HEYL: variants seen among roughly 807,000 people sequenced by gnomAD.
HEYL encodes the protein hes related family bHLH transcription factor with YRPW motif like.
In HEYL, 12 loss-of-function variants were observed where a neutral mutation model predicts 18.6. The ratio of observed to expected loss-of-function variants is 0.65; its 90% CI spans 0.41 to 1.05. HEYL has a LOEUF of 1.05. Ranked by LOEUF, HEYL falls within the 50% of genes least tolerant of loss-of-function variation. HEYL has a pLI of 0.00. For missense variants in HEYL, 420 were observed against 444.7 expected (o/e 0.94, Z 0.50); for synonymous variants, 159 against 179.6 (o/e 0.89, Z 0.91).
chr1:39,627,670 A>G (rs1031255745), intron 4 of HEYL, among the ~76,000 whole-genome samples: 1 of 152,228 alleles, frequency 6.6e-6, no homozygotes, highest in African/African-American at 2.4e-5. Context: ...GTCGGAAGCC[A>G]GGAGAGCTGG....
At chr1:39,633,060 G>C (rs1332245839) in intron 1 of HEYL, 79 of 979,412 alleles carry the variant, frequency 8.1e-5, no homozygotes, top group Non-Finnish European at 9.0e-5. Flanking sequence ...CGGCGGCGGC[G>C]GGGCTGGGCC....
Position 39,627,071 on chromosome 1 carries a change from A to G in HEYL, c.423T>C (p.Arg141=). The part of the protein sequence containing the change: ...YLGVLEGPSS[R]ADPVRIRLLS... ...GAAGGCGAATCCGGACGGGGTCTGCACGGCTGCTGGGCCCTTCAAGGACCC... is the reference window on the plus strand; with the variant it reads ...GAAGGCGAATCCGGACGGGGTCTGCGCGGCTGCTGGGCCCTTCAAGGACCC... The change falls in exon 5 of 5, where the codon CGT becomes CGC. Residue 141 remains arginine, a synonymous_variant. Coordinates refer to ENST00000372852, the MANE Select transcript of HEYL (RefSeq NM_014571.4). 6.2e-7 allele frequency: 1 copy of G among 1,614,170 alleles called. No individual in the cohort carries two copies. The highest frequency in any genetic ancestry group is 1.1e-5 in the South Asian group (1 of 91,086).
At position 39,623,689 on chromosome 1, in the gene HEYL, C is replaced by A. The variant is rs755140248; in HGVS notation, c.*2818G>T. The stretch of plus-strand genomic sequence containing the variant: ...AAGTAGTCGAGGAAGGCCTCTTGGA[C>A]GAGGCAACGTTGAAGCCAAGGCCTG... On this transcript the variant is annotated 3_prime_UTR_variant, in exon 5 of 5. Coordinates refer to ENST00000372852, the MANE Select transcript of HEYL (RefSeq NM_014571.4). 1.3e-5 allele frequency among the ~76,000 whole-genome samples: 2 copies of A among 152,198 alleles called. No homozygotes were observed. Among genetic ancestry groups the A allele is most frequent in the African/African-American group, 4.8e-5 (2 of 41,450 alleles).
rs1398226470 is a variant in HEYL, at chr1:39,626,422, C to G, written c.*85G>C. ...TTCACATATGAGCCAGTCCATGAAGCAAAGCAGAAAAGGCAGTGCCCTTTT... is the reference window on the plus strand; with the variant it reads ...TTCACATATGAGCCAGTCCATGAAGGAAAGCAGAAAAGGCAGTGCCCTTTT... On this transcript the variant is annotated 3_prime_UTR_variant, in exon 5 of 5. Coordinates refer to ENST00000372852, the MANE Select transcript of HEYL (RefSeq NM_014571.4). 7.8e-7 allele frequency: 1 copy of G among 1,284,474 alleles called. No homozygotes were observed. The highest frequency in any genetic ancestry group is 1.5e-5 in the African/African-American group (1 of 65,920). 79.6% of individuals were successfully genotyped at this position (1,284,474 alleles called of 1,614,324 possible).
rs753019861 is a variant in HEYL at position 39,639,639 on chromosome 1, T to C, written c.-14A>G. The C allele has an allele frequency of 2.0e-6, 3 of 1,538,048 alleles. No individual in the cohort carries two copies. Among genetic ancestry groups the C allele is most frequent in the Non-Finnish European group, 2.6e-6 (3 of 1,148,534 alleles). Reference sequence around the variant, plus strand: ...GGGTCGCTTCATGGCGAACGCAGGCTGCCTGGTCTCAGCCCCGCGGCTAAG... The same window carrying C: ...GGGTCGCTTCATGGCGAACGCAGGCCGCCTGGTCTCAGCCCCGCGGCTAAG... On this transcript the variant is annotated 5_prime_UTR_variant, in exon 1 of 5. Transcript: ENST00000372852.
At chr1:39,632,882 C>CTGGGCCCACTT (rs1553483544) in intron 1 of HEYL, 167 bp from the exon 2 acceptor site, 23 of 985,318 alleles carry the variant, frequency 2.3e-5, no homozygotes, top group Non-Finnish European at 2.8e-5. Flanking sequence ...CTCATGCACT[C>CTGGGCCCACTT]TGGGCCCACT....
At chr1:39,633,003 G>A (rs1192882679) in intron 1 of HEYL, 2 of 974,502 alleles carry the variant, frequency 2.1e-6, no homozygotes, top group Non-Finnish European at 2.4e-6. Context: ...GGTGGCTCCG[G>A]CTCCTGCAAC....
At chr1:39,638,189 A>G (rs944406141) in intron 1 of HEYL, among the ~76,000 whole-genome samples, 1 of 152,264 alleles carries the variant, frequency 6.6e-6, no homozygotes, top group African/African-American at 2.4e-5. Context: ...AGGCTGCAAG[A>G]GGAATATCTA....
intron 4 of HEYL, among the ~76,000 whole-genome samples, chr1:39,627,918 G>C (rs1168925613): frequency 1.3e-5 from 2 of 152,188 alleles, no homozygotes; most frequent in Non-Finnish European, 1.5e-5. Flanking sequence ...GGCTCAAAAG[G>C]CAATCTGGAA....
In HEYL at chr1:39,626,742, AG is replaced by A; in HGVS notation, c.751del (p.Leu251Ter). 1 of 1,520,962 alleles carries A rather than the reference AG, an allele frequency of 6.6e-7. No individual in the cohort carries two copies. 94.2% of individuals were successfully genotyped at this position (1,520,962 alleles called of 1,614,324 possible). A position where few individuals can be genotyped will look rare whatever the true frequency, so the allele number is the denominator to read the frequency against. On this transcript the variant is annotated frameshift_variant, in exon 5 of 5. Coordinates refer to ENST00000372852, the MANE Select transcript of HEYL (RefSeq NM_014571.4). LOFTEE classifies it low-confidence loss of function (END_TRUNC). ...AGGCACAGGGGTCGCTGGCCTCTCT[AG>A]GGGGCGGGCCCTCCGGGTGGAAGAT... is the stretch of plus-strand genomic sequence containing the variant. The part of the protein sequence containing the change: ...GASSTRRARP[L>X]ERPATPVPVA...
chr1:39,624,006 G>C lies in HEYL; in HGVS notation c.*2501C>G, dbSNP rs1458650730. On this transcript the variant is annotated 3_prime_UTR_variant, in exon 5 of 5. Transcript: ENST00000372852. ...TTCAATTTCTCTCTGCTGCTACTGA[G>C]AACTGATTGACAAAGCAAGAGGGAA... 1 of 152,306 alleles carries C rather than the reference G, an allele frequency of 6.6e-6. No individual in the cohort carries two copies. Among genetic ancestry groups the C allele is most frequent in the Admixed American group, 6.5e-5 (1 of 15,290 alleles). The allele number at this position is 152,306 out of a possible 1,614,324, so 9.4% of individuals were successfully genotyped here.
chr1:39,629,171 T>C (rs1646318813), intron 4 of HEYL, among the ~76,000 whole-genome samples: 1 of 152,224 alleles, frequency 6.6e-6, no homozygotes, highest in Non-Finnish European at 1.5e-5. Flanking sequence ...TTGCAGGTTC[T>C]TGTGAGAATC....
chr1:39,632,502 C>G (rs1646339060), intron 2 of HEYL, 147 bp downstream of exon 2: 1 of 748,458 alleles, frequency 1.3e-6, no homozygotes, highest in Non-Finnish European at 2.3e-6. Flanking sequence ...TGGAATCACC[C>G]TGATAGCTAG....
At chr1:39,630,812 A>G (rs547501094) in intron 3 of HEYL, among the ~76,000 whole-genome samples, 1 of 152,352 alleles carries the variant, frequency 6.6e-6, no homozygotes, top group African/African-American at 2.4e-5. Flanking sequence ...CTCTTGGGAA[A>G]TGCTTCCTAA....
In HEYL at chr1:39,629,638, A is replaced by G. The variant is rs1646321251; in HGVS notation, c.313+589T>C. On this transcript the variant is annotated intron_variant, in intron 4 of 4. Transcript: ENST00000372852. ...TCCCAATTTTGAAATCACCAAATAC[A>G]CAGAGAAACTTTGAGTAGACAGAAT... 3.3e-5 allele frequency among the ~76,000 whole-genome samples: 5 copies of G among 152,370 alleles called. No homozygotes were observed. The South Asian group carries it at 1.0e-3, about 32-fold the overall frequency.
chr1:39,626,831 G>A lies in HEYL; in HGVS notation c.663C>T (p.Pro221=). ...GGATGATGCCTGTGGCTCTGCGAAG[G>A]GGAGCGGTTCGGAGGGCTGGGATGG... ...AYPIPALRTA[P]LRRATGIILP... The change falls in exon 5 of 5, where the codon CCC becomes CCT. Residue 221 remains proline, a synonymous_variant. Coordinates refer to ENST00000372852, the MANE Select transcript of HEYL (RefSeq NM_014571.4). The A allele has an allele frequency of 6.4e-7, 1 of 1,572,776 alleles. No individual in the cohort carries two copies. Among genetic ancestry groups the A allele is most frequent in the South Asian group, 1.2e-5 (1 of 86,058 alleles).
chr1:39,627,234 C>T, intron 4 of HEYL, 54 bp from the exon 5 acceptor site: 1 of 1,515,432 alleles, frequency 6.6e-7, no homozygotes, highest in Middle Eastern at 1.9e-4. Context: ...AAGCATGGAG[C>T]CTGGGTCTGA....
At chr1:39,637,004 G>A (rs927140997) in intron 1 of HEYL, among the ~76,000 whole-genome samples, 2 of 152,216 alleles carry the variant, frequency 1.3e-5, no homozygotes, top group African/African-American at 4.8e-5. Flanking sequence ...TTCCCATTTT[G>A]AACGCGAGAA....
Position 39,624,131 on chromosome 1 carries a change from T to G in HEYL, c.*2376A>C, listed in dbSNP as rs915031217. The stretch of plus-strand genomic sequence containing the variant: ...AAGTGGATGGACTCCAGAGATAGTT[T>G]AGAAGTAGAATCTACTGGAAGTTTC... On this transcript the variant is annotated 3_prime_UTR_variant, in exon 5 of 5. Coordinates refer to ENST00000372852, the MANE Select transcript of HEYL (RefSeq NM_014571.4). 3 of 152,178 alleles carry G rather than the reference T, an allele frequency of 2.0e-5. No individual in the cohort carries two copies. Among genetic ancestry groups the G allele is most frequent in the African/African-American group, 7.2e-5 (3 of 41,438 alleles). The allele number at this position is 152,178 out of a possible 1,614,324, so 9.4% of individuals were successfully genotyped here. A position where few individuals can be genotyped will look rare whatever the true frequency, so the allele number is the denominator to read the frequency against.
Sources: gnomAD v4.1 joint callset for allele counts (sites outside exome capture counted in the v4.1 genomes callset) on GRCh38, gnomAD v4.1.1 for gene constraint, MANE v1.5 for transcripts, NCBI Gene and HGNC (gene_info 2026-07-23, HGNC 2026-07-21) for gene names.